The following RIMS2 variants were observed in gnomAD, a reference collection of about 807,000 sequenced individuals.
The protein encoded by RIMS2 is regulating synaptic membrane exocytosis 2.
A neutral mutation model predicts 174.4 loss-of-function variants in RIMS2; 59 were observed. The observed-to-expected ratio is 0.34, with a 90% confidence interval of 0.27 to 0.42. RIMS2 has a LOEUF of 0.42. Among genes scored for constraint, RIMS2 ranks in the 10% least tolerant of loss-of-function variants. RIMS2 has a pLI of 1.00. For synonymous variants in RIMS2, 606 were observed against 572.5 expected (o/e 1.06, Z -0.84); for missense variants, 1,620 against 1,666.3 (o/e 0.97, Z 0.48).
chr8:104,080,185 A>G (rs1198110041), intron 19 of RIMS2, among the ~76,000 whole-genome samples: 1 of 151,980 alleles, frequency 6.6e-6, no homozygotes, highest in Admixed American at 6.6e-5. Flanking sequence ...AGTTCTTCAC[A>G]ACTCAACTTT....
chr8:104,086,266 GTT>G (rs377670155), intron 19 of RIMS2, among the ~76,000 whole-genome samples: 1,596 of 112,854 alleles, frequency 0.014, 12 homozygotes, highest in Middle Eastern at 0.12. Context: ...GTTCTGGTGG[GTT>G]TTTTTTTTTT....
chr8:104,019,240 T>G (rs1008620796), intron 19 of RIMS2, among the ~76,000 whole-genome samples: 2 of 152,194 alleles, frequency 1.3e-5, no homozygotes. Context: ...CAGTATATTT[T>G]TATATACTTC....
chr8:103,675,373 A>T (rs1409259865), intron 1 of RIMS2, among the ~76,000 whole-genome samples: 1 of 152,176 alleles, frequency 6.6e-6, no homozygotes, highest in Non-Finnish European at 1.5e-5. Flanking sequence ...CAGCTGTGAA[A>T]GTGATTCCTG....
At chr8:104,079,259 A>C (rs2097360001) in intron 19 of RIMS2, among the ~76,000 whole-genome samples, 1 of 152,092 alleles carries the variant, frequency 6.6e-6, no homozygotes, top group Non-Finnish European at 1.5e-5. Flanking sequence ...TGCAGGTAAG[A>C]GGGTCAATCT....
At chr8:103,604,566 T>C (rs1428376309) in intron 1 of RIMS2, among the ~76,000 whole-genome samples, 2 of 151,850 alleles carry the variant, frequency 1.3e-5, no homozygotes, top group African/African-American at 2.4e-5. Flanking sequence ...GGGGATGGCA[T>C]TCAATCTGTA....
chr8:103,923,551 G>C (rs2078142526), intron 10 of RIMS2, among the ~76,000 whole-genome samples: 1 of 151,732 alleles, frequency 6.6e-6, no homozygotes, highest in Admixed American at 6.6e-5. Flanking sequence ...AAATGTAGAA[G>C]TTTCACTTCT....
At chr8:104,147,616 T>G (rs768193231) in intron 19 of RIMS2, among the ~76,000 whole-genome samples, 39 of 152,230 alleles carry the variant, frequency 2.6e-4, no homozygotes, top group Non-Finnish European at 4.3e-4. Flanking sequence ...TTACTTTATG[T>G]ATTAAACATT....
intron 1 of RIMS2, among the ~76,000 whole-genome samples, chr8:103,633,976 A>T (rs2096010597): frequency 6.6e-6 from 1 of 151,856 alleles, no homozygotes; most frequent in Admixed American, 6.6e-5. Context: ...CAACTGCTGG[A>T]TTTGTTGATC....
chr8:103,761,062 G>A lies in RIMS2; in HGVS notation c.388-5165G>A, dbSNP rs184547904. 5.3e-5 allele frequency among the ~76,000 whole-genome samples: 8 copies of A among 152,170 alleles called. No individual in the cohort carries two copies. In the East Asian group the frequency reaches 7.7e-4, roughly 15 times the overall value. On this transcript the variant is annotated intron_variant, in intron 2 of 23. Transcript: ENST00000504942. ...ATTATAGTCACTGGTGTGTTCATAC[G>A]TGCTAACAACCAGCTCTCTTTTAGA...
intron 4 of RIMS2, among the ~76,000 whole-genome samples, chr8:103,889,745 C>T (rs759633452): frequency 4.0e-5 from 6 of 151,746 alleles, no homozygotes; most frequent in East Asian, 1.9e-4. Context: ...CTTGTCACTT[C>T]GGATGGATTT....
chr8:103,816,930 C>A (rs1225398080), intron 3 of RIMS2, among the ~76,000 whole-genome samples: 2 of 152,082 alleles, frequency 1.3e-5, no homozygotes, highest in East Asian at 1.9e-4. Context: ...TGTTGATTTG[C>A]AGTATAATCA....
At chr8:103,612,496 G>A (rs1277113720) in intron 1 of RIMS2, among the ~76,000 whole-genome samples, 1 of 152,222 alleles carries the variant, frequency 6.6e-6, no homozygotes, top group African/African-American at 2.4e-5. Context: ...GGTTCTTGCA[G>A]ACTCATACAG....
intron 19 of RIMS2, among the ~76,000 whole-genome samples, chr8:104,042,909 A>C (rs1368297124): frequency 1.3e-5 from 2 of 151,614 alleles, no homozygotes; most frequent in African/African-American, 2.4e-5. Context: ...GACAAGAATC[A>C]AAATTTGGGG....
chr8:103,885,675 T>A, exon 4 of RIMS2: 2 of 1,613,046 alleles, frequency 1.2e-6, no homozygotes, highest in Non-Finnish European at 1.7e-6. Flanking sequence ...CATGCTGAAG[T>A]GTCCCGAGCA....
chr8:104,025,900 A>T (rs1219229913), intron 19 of RIMS2, among the ~76,000 whole-genome samples: 1 of 152,178 alleles, frequency 6.6e-6, no homozygotes, highest in Non-Finnish European at 1.5e-5. Flanking sequence ...TAGTATGGTA[A>T]CAAGCTGTAC....
chr8:104,104,026 A>C (rs2131280660), intron 19 of RIMS2, among the ~76,000 whole-genome samples: 2 of 152,318 alleles, frequency 1.3e-5, no homozygotes, highest in African/African-American at 4.8e-5. Context: ...AAGATGGAGG[A>C]GGAGATGGGA....
At chr8:103,971,375 G>A (rs1177934320) in intron 15 of RIMS2, among the ~76,000 whole-genome samples, 3 of 152,036 alleles carry the variant, frequency 2.0e-5, no homozygotes, top group Admixed American at 1.3e-4. Flanking sequence ...ATCTATATAT[G>A]TAATCTTTCC....
exon 18 of RIMS2, chr8:104,013,500 C>T (rs746740499): frequency 6.2e-7 from 1 of 1,613,810 alleles, no homozygotes; most frequent in South Asian, 1.1e-5. Context: ...AGAACAACGG[C>T]CTCTCCTTGA....
At chr8:104,031,549 T>C (rs2096393086) in intron 19 of RIMS2, among the ~76,000 whole-genome samples, 1 of 152,134 alleles carries the variant, frequency 6.6e-6, no homozygotes, top group Non-Finnish European at 1.5e-5. Context: ...GCATATTACA[T>C]AGTTTATGTG....
Sources: allele counts gnomAD v4.1 joint callset (sites outside exome capture counted in the v4.1 genomes callset), GRCh38; gene constraint gnomAD v4.1.1; transcripts MANE v1.5; gene names NCBI Gene and HGNC (gene_info 2026-07-23, HGNC 2026-07-21).